The following SYNPR variants were observed in gnomAD, a reference collection of about 807,000 sequenced individuals.
SYNPR encodes the protein synaptoporin.
In SYNPR, 23 loss-of-function variants were observed where a neutral mutation model predicts 32.9. The ratio of observed to expected loss-of-function variants is 0.70; its 90% CI spans 0.50 to 0.99. The LOEUF is 0.99. Among genes scored for constraint, SYNPR ranks in the 50% least tolerant of loss-of-function variants. SYNPR has a pLI of 0.00. For synonymous variants in SYNPR, 146 were observed against 135.9 expected, an observed-to-expected ratio of 1.07 and a Z score of -0.52; for missense variants, 318 against 349.3, an observed-to-expected ratio of 0.91 and a Z score of 0.71.
intron 2 of SYNPR, among the ~76,000 whole-genome samples, chr3:63,320,694 T>C (rs954411552): frequency 6.6e-6 from 1 of 152,082 alleles, no homozygotes; most frequent in Admixed American, 6.6e-5. Context: ...GTAATAGAAC[T>C]CTCAGACCCT....
At chr3:63,413,606 C>A (rs948397789) in intron 2 of SYNPR, among the ~76,000 whole-genome samples, 1 of 152,126 alleles carries the variant, frequency 6.6e-6, no homozygotes, top group African/African-American at 2.4e-5. Flanking sequence ...GCCTCAAATA[C>A]CACTTTGGCA....
At chr3:63,338,869 C>T (rs1300283851) in intron 2 of SYNPR, among the ~76,000 whole-genome samples, 1 of 152,232 alleles carries the variant, frequency 6.6e-6, no homozygotes, top group African/African-American at 2.4e-5. Flanking sequence ...TTTACCTTGT[C>T]TCCTTCAACT....
chr3:63,322,404 A>C (rs2087119986), intron 2 of SYNPR, among the ~76,000 whole-genome samples: 1 of 152,114 alleles, frequency 6.6e-6, no homozygotes, highest in African/African-American at 2.4e-5. Context: ...TTTACAGATC[A>C]GGAAACAAAG....
chr3:63,228,020 A>G (rs1359665502), upstream of SYNPR, among the ~76,000 whole-genome samples: 2 of 152,220 alleles, frequency 1.3e-5, no homozygotes, highest in East Asian at 3.9e-4. Context: ...TTTAAATGCA[A>G]TGAATGGTCA....
At chr3:63,385,608 C>T (rs535477218) in intron 2 of SYNPR, among the ~76,000 whole-genome samples, 2 of 152,320 alleles carry the variant, frequency 1.3e-5, no homozygotes, top group South Asian at 4.1e-4. Context: ...AAACATCAAT[C>T]CATAACCTGG....
chr3:63,406,306 C>T (rs2088359113), intron 2 of SYNPR, among the ~76,000 whole-genome samples: 2 of 151,660 alleles, frequency 1.3e-5, no homozygotes, highest in Non-Finnish European at 2.9e-5. Context: ...AAAACATTGG[C>T]TTGGGGTAAG....
chr3:63,287,738 T>C (rs976764650), intron 2 of SYNPR, among the ~76,000 whole-genome samples: 1 of 152,196 alleles, frequency 6.6e-6, no homozygotes, highest in African/African-American at 2.4e-5. Context: ...TTCCCCTTAA[T>C]GGTCTTCATT....
At chr3:63,494,404 T>TACATATACAC (rs1553641133) in intron 3 of SYNPR, among the ~76,000 whole-genome samples, 1 of 102,446 alleles carries the variant, frequency 9.8e-6, no homozygotes, top group African/African-American at 3.9e-5. Context: ...TATATATATA[T>TACATATACAC]ATATATATAT....
chr3:63,502,676 C>T (rs1169792088), intron 3 of SYNPR, among the ~76,000 whole-genome samples: 6 of 152,168 alleles, frequency 3.9e-5, no homozygotes, highest in Non-Finnish European at 8.8e-5. Context: ...TGGCTTATTT[C>T]ACTTAGTAAT....
intron 2 of SYNPR, among the ~76,000 whole-genome samples, chr3:63,287,723 G>A (rs2086699261): frequency 6.6e-6 from 1 of 152,214 alleles, no homozygotes; most frequent in Non-Finnish European, 1.5e-5. Flanking sequence ...TGGATGAGAT[G>A]TAAATTCCCC....
the SYNPR span, among the ~76,000 whole-genome samples, chr3:63,206,379 G>A: frequency 1.3e-5 from 2 of 152,072 alleles, no homozygotes; most frequent in African/African-American, 2.4e-5. Flanking sequence ...TTGGGAGGCC[G>A]AAGTGGGCAG....
intron 2 of SYNPR, among the ~76,000 whole-genome samples, chr3:63,356,687 A>T (rs2107026970): frequency 6.6e-6 from 1 of 152,124 alleles, no homozygotes; most frequent in South Asian, 2.1e-4. Flanking sequence ...GGTCACACTC[A>T]CCTTTCCGGT....
intron 2 of SYNPR, among the ~76,000 whole-genome samples, chr3:63,256,505 G>A (rs11712765): frequency 0.43 from 65,222 of 152,038 alleles, 14,803 homozygotes; most frequent in Non-Finnish European, 0.5. Context: ...CGCAGCTGAG[G>A]GTCCTGACTG....
intron 2 of SYNPR, among the ~76,000 whole-genome samples, chr3:63,463,869 T>C (rs1700632322): frequency 1.3e-5 from 2 of 152,210 alleles, no homozygotes; most frequent in African/African-American, 4.8e-5. Flanking sequence ...AATCTTGTCA[T>C]TCAATTTTTG....
At chr3:63,307,039 CGTT>C in intron 2 of SYNPR, among the ~76,000 whole-genome samples, 1 of 152,132 alleles carries the variant, frequency 6.6e-6, no homozygotes, top group East Asian at 1.9e-4. Context: ...AAACATCTCT[CGTT>C]AGTGAGTTTT....
chr3:63,560,984 C>T (rs1702678863), intron 4 of SYNPR, among the ~76,000 whole-genome samples: 1 of 152,108 alleles, frequency 6.6e-6, no homozygotes, highest in South Asian at 2.1e-4. Flanking sequence ...TTGTTTCTAA[C>T]CAAACACACA....
intron 3 of SYNPR, among the ~76,000 whole-genome samples, chr3:63,486,307 G>A (rs746035779): frequency 1.3e-5 from 2 of 152,100 alleles, no homozygotes; most frequent in African/African-American, 2.4e-5. Flanking sequence ...AATGTCTCCT[G>A]GAGCAGCCCT....
the SYNPR span, among the ~76,000 whole-genome samples, chr3:63,205,880 C>T: frequency 6.6e-6 from 1 of 152,156 alleles, no homozygotes; most frequent in East Asian, 1.9e-4. Flanking sequence ...CATTTCTGGC[C>T]ATGAATCCCC....
chr3:63,553,731 G>A (rs995264246), intron 3 of SYNPR, among the ~76,000 whole-genome samples: 5 of 151,850 alleles, frequency 3.3e-5, no homozygotes, highest in African/African-American at 1.2e-4. Context: ...TGTTTGTTTT[G>A]TTTTTTTGAG....
Sources: gnomAD v4.1 joint callset for allele counts (sites outside exome capture counted in the v4.1 genomes callset) on GRCh38, gnomAD v4.1.1 for gene constraint, MANE v1.5 for transcripts, NCBI Gene and HGNC (gene_info 2026-07-23, HGNC 2026-07-21) for gene names.